IL26: variants seen among roughly 807,000 people sequenced by gnomAD.
The protein encoded by IL26 is interleukin 26, also known as interleukin-26.
A neutral mutation model predicts 21.7 loss-of-function variants in IL26; 23 were observed. The ratio of observed to expected loss-of-function variants is 1.06; its 90% CI spans 0.76 to 1.50. The LOEUF (loss-of-function observed/expected upper bound fraction) is 1.50. Among genes scored for constraint, IL26 ranks in the 40% most tolerant of loss-of-function variants. IL26 has a pLI of 0.00. For missense variants in IL26, 204 were observed against 196.0 expected (o/e 1.04, Z -0.24); for synonymous variants, 63 against 67.8 (o/e 0.93, Z 0.34).
intron 3 of IL26, among the ~76,000 whole-genome samples, chr12:68,222,686 C>A (rs11570920): frequency 1.3e-5 from 2 of 151,910 alleles, no homozygotes; most frequent in African/African-American, 4.8e-5. Flanking sequence ...AACGGAAGGC[C>A]CCCTCTCACA....
At chr12:68,215,581 A>T (rs1054184667) in intron 3 of IL26, among the ~76,000 whole-genome samples, 1 of 152,208 alleles carries the variant, frequency 6.6e-6, no homozygotes, top group Non-Finnish European at 1.5e-5. Flanking sequence ...ATGTATCATT[A>T]ACCAAGAAAT....
At chr12:68,204,113 T>C (rs1646962653) in intron 3 of IL26, among the ~76,000 whole-genome samples, 1 of 151,618 alleles carries the variant, frequency 6.6e-6, no homozygotes. Context: ...TTCCTCATGT[T>C]TCTAAAATCA....
intron 3 of IL26, among the ~76,000 whole-genome samples, chr12:68,204,639 C>T (rs1437238921): frequency 6.6e-6 from 1 of 151,990 alleles, no homozygotes; most frequent in Non-Finnish European, 1.5e-5. Flanking sequence ...GCACATGCTA[C>T]TCTAGGAAGA....
At chr12:68,208,423 G>C (rs1868605261) in intron 3 of IL26, among the ~76,000 whole-genome samples, 1 of 152,180 alleles carries the variant, frequency 6.6e-6, no homozygotes, top group African/African-American at 2.4e-5. Flanking sequence ...CCTCCTATGT[G>C]CTCCCTTTGC....
chr12:68,209,572 C>T (rs2120436243), intron 3 of IL26, among the ~76,000 whole-genome samples: 1 of 152,272 alleles, frequency 6.6e-6, no homozygotes, highest in Non-Finnish European at 1.5e-5. Context: ...GTTTTATGCC[C>T]TAGGCTTAGA....
intron 3 of IL26, among the ~76,000 whole-genome samples, chr12:68,207,985 T>C (rs1003918932): frequency 7.9e-5 from 12 of 152,162 alleles, no homozygotes; most frequent in African/African-American, 2.9e-4. Context: ...CAAAAAATTG[T>C]CTAGTGTATT....
intron 3 of IL26, among the ~76,000 whole-genome samples, chr12:68,224,047 C>T (rs946563651): frequency 1.3e-5 from 2 of 151,074 alleles, no homozygotes; most frequent in Admixed American, 6.6e-5. Context: ...ACACCCCCCC[C>T]CTCTAATGGC....
intron 3 of IL26, among the ~76,000 whole-genome samples, chr12:68,204,061 T>A (rs559197412): frequency 2.2e-4 from 34 of 152,276 alleles, no homozygotes; most frequent in Admixed American, 1.2e-3. Flanking sequence ...TCAGTAAAAC[T>A]TCATCCTAAT....
intron 3 of IL26, among the ~76,000 whole-genome samples, chr12:68,204,847 G>C (rs993122146): frequency 2.0e-5 from 3 of 152,188 alleles, no homozygotes; most frequent in African/African-American, 7.2e-5. Context: ...TGTGTCCACA[G>C]GTCCAGTAGG....
intron 3 of IL26, among the ~76,000 whole-genome samples, chr12:68,218,535 C>G (rs139764500): frequency 6.6e-6 from 1 of 150,984 alleles, no homozygotes; most frequent in South Asian, 2.1e-4. Flanking sequence ...CAATGAAACA[C>G]AGAAAAGACT....
At chr12:68,214,724 T>A (rs1868825766) in intron 3 of IL26, among the ~76,000 whole-genome samples, 1 of 152,148 alleles carries the variant, frequency 6.6e-6, no homozygotes, top group Non-Finnish European at 1.5e-5. Flanking sequence ...TGTGAGCCTT[T>A]ATAGGTGAAG....
chr12:68,222,975 G>C (rs937738577), intron 3 of IL26, among the ~76,000 whole-genome samples: 6 of 152,254 alleles, frequency 3.9e-5, no homozygotes, highest in Middle Eastern at 3.4e-3. Context: ...CACTGATTCA[G>C]AGATTCATAG....
At chr12:68,220,949 A>G (rs1414587359) in intron 3 of IL26, among the ~76,000 whole-genome samples, 1 of 152,148 alleles carries the variant, frequency 6.6e-6, no homozygotes, top group African/African-American at 2.4e-5. Context: ...ATTCTTATAT[A>G]TTCTCCCTTG....
intron 2 of IL26, 55 bp from the exon 3 acceptor site, chr12:68,225,338 G>A: frequency 6.4e-7 from 1 of 1,562,178 alleles, no homozygotes; most frequent in Non-Finnish European, 8.7e-7. Flanking sequence ...GTTTTTTAAT[G>A]TCCCCCGATC....
intron 3 of IL26, among the ~76,000 whole-genome samples, chr12:68,205,657 G>A (rs1868518302): frequency 2.0e-5 from 3 of 152,152 alleles, no homozygotes; most frequent in Non-Finnish European, 2.9e-5. Context: ...TGGAAGGGGA[G>A]GCAGGAGAGG....
Position 68,204,141 on chromosome 12 carries a change from A to ATTTTTTTTTTTTTTTTTT in IL26, c.364-2076_364-2059dup, listed in dbSNP as rs6144754. On this transcript the variant is annotated intron_variant, in intron 3 of 4. Transcript: ENST00000229134. Reference sequence around the variant, plus strand: ...TAAAATCATGTGTTAGGATTCAAAGATTTTTTTTTTTTTTTTTTTTGAGGC... The same window carrying ATTTTTTTTTTTTTTTTTT: ...TAAAATCATGTGTTAGGATTCAAAGATTTTTTTTTTTTTTTTTTTTTTTTTTTTTTTTTTTTTTGAGGC... Among the ~76,000 whole-genome samples the ATTTTTTTTTTTTTTTTTT allele has an allele frequency of 1.0e-3, 116 of 113,186 alleles. 1 individual carries two copies. Among genetic ancestry groups the ATTTTTTTTTTTTTTTTTT allele is most frequent in the African/African-American group, 3.5e-3 (101 of 28,826 alleles). The allele number at this position is 113,186 out of a possible 152,430, so 74.3% of individuals were successfully genotyped here.
chr12:68,203,000 A>T (rs1053942651), intron 3 of IL26, among the ~76,000 whole-genome samples: 6 of 152,226 alleles, frequency 3.9e-5, no homozygotes, highest in Non-Finnish European at 5.9e-5. Flanking sequence ...GAGAATGACA[A>T]GAAAAAAAAA....
chr12:68,212,683 C>A (rs1868767453), intron 3 of IL26, among the ~76,000 whole-genome samples: 1 of 151,864 alleles, frequency 6.6e-6, no homozygotes, highest in African/African-American at 2.4e-5. Context: ...AATGGGATTG[C>A]TTTTTTATTT....
chr12:68,202,224 C>T (rs1868410125), intron 3 of IL26, 141 bp from the exon 4 acceptor site: 3 of 494,858 alleles, frequency 6.1e-6, no homozygotes, highest in Admixed American at 3.9e-5. Context: ...AATGCATGAT[C>T]TTTTTCCTCA....
Sources: gnomAD v4.1 joint callset for allele counts (sites outside exome capture counted in the v4.1 genomes callset) on GRCh38, gnomAD v4.1.1 for gene constraint, MANE v1.5 for transcripts, NCBI Gene and HGNC (gene_info 2026-07-23, HGNC 2026-07-21) for gene names.